TESMIN: variants seen among roughly 807,000 people sequenced by gnomAD.
The protein encoded by TESMIN is CXC domain containing 2.
TESMIN carries 34 observed loss-of-function variants against 47.4 expected under a neutral mutation model. The ratio of observed to expected loss-of-function variants is 0.72; its 90% confidence interval spans 0.55 to 0.96. TESMIN has a LOEUF of 0.96. Ranked by LOEUF, TESMIN falls within the 40% of genes least tolerant of loss-of-function variation. TESMIN has a pLI of 0.00. For synonymous variants in TESMIN, 278 were observed against 258.9 expected (o/e 1.07, Z -0.71); for missense variants, 610 against 637.2 (o/e 0.96, Z 0.46).
chr11:68,739,027 G>A (rs1327255073), intron 5 of TESMIN, among the ~76,000 whole-genome samples: 1 of 152,162 alleles, frequency 6.6e-6, no homozygotes, highest in African/African-American at 2.4e-5. Context: ...GTGCAAAGAT[G>A]CAGGGCTGGC....
intron 6 of TESMIN, among the ~76,000 whole-genome samples, chr11:68,724,405 C>T (rs557814206): frequency 6.6e-5 from 10 of 152,292 alleles, no homozygotes; most frequent in East Asian, 1.9e-4. Flanking sequence ...GAGAAGGGCA[C>T]GTAGCAGAGA....
chr11:68,731,693 T>C (rs993849588), intron 6 of TESMIN, among the ~76,000 whole-genome samples: 2 of 152,226 alleles, frequency 1.3e-5, no homozygotes, highest in African/African-American at 4.8e-5. Context: ...CCCCAGCTTA[T>C]GTTCCTTCAC....
At chr11:68,746,196 G>A (rs1946518392) in intron 3 of TESMIN, among the ~76,000 whole-genome samples, 1 of 139,092 alleles carries the variant, frequency 7.2e-6, no homozygotes, top group African/African-American at 2.6e-5. Flanking sequence ...CACACACACA[G>A]GAAAGGCTCA....
rs747286166 is a variant in TESMIN at position 68,708,899 on chromosome 11, T to C, written c.1335-399A>G. Among the ~76,000 whole-genome samples, 557 of 152,040 alleles carry C rather than the reference T, an allele frequency of 3.7e-3. 7 individuals are homozygous for C. Among genetic ancestry groups the C allele is most frequent in the Non-Finnish European group, 4.3e-4 (29 of 67,946 alleles). The stretch of plus-strand genomic sequence containing the variant: ...TCCTGAGTAGCTGGGATCACAGGCA[T>C]GCACCACCACACCTGGCTAATTTTT... On this transcript the variant is annotated intron_variant, in intron 9 of 9. Transcript: ENST00000255087.
chr11:68,743,023 C>T (rs1946476365), intron 4 of TESMIN, among the ~76,000 whole-genome samples: 1 of 152,002 alleles, frequency 6.6e-6, no homozygotes, highest in Admixed American at 6.6e-5. Context: ...GACTACAGGC[C>T]TGTGCCACCA....
At position 68,744,986 on chromosome 11, in the gene TESMIN, T is replaced by C. The variant is rs1946500449; in HGVS notation, c.751+5A>G. On this transcript the variant is annotated splice_donor_5th_base_variant and intron_variant, in intron 4 of 9. Transcript: ENST00000255087. ...CATAGTTTTTTTTATTAATTAACTTTGTACCTGACTGTAGATAATTATTTT... is the reference window on the plus strand; with the variant it reads ...CATAGTTTTTTTTATTAATTAACTTCGTACCTGACTGTAGATAATTATTTT... The C allele has an allele frequency of 3.2e-6, 5 of 1,548,182 alleles. No homozygotes were observed. The East Asian group carries it at 1.2e-4, about 36-fold the overall frequency.
rs1178393680 is a variant in TESMIN, at chr11:68,750,181, G to T, written c.471+9C>A. On this transcript the variant is annotated intron_variant, in intron 2 of 9. Transcript: ENST00000255087. ...GGGGAGCTGTGCCCATTCCCCAGGC[G>T]GTTCTTACTGGGATCATGCGGACGC... The T allele has an allele frequency of 6.8e-7, 1 of 1,464,622 alleles. No individual in the cohort carries two copies. The highest frequency in any genetic ancestry group is 8.9e-7 in the Non-Finnish European group (1 of 1,117,516). The allele number at this position is 1,464,622 out of a possible 1,614,324, so 90.7% of individuals were successfully genotyped here. A position where few individuals can be genotyped will look rare whatever the true frequency, so the allele number is the denominator to read the frequency against.
At chr11:68,732,954 G>A (rs756393209) in intron 6 of TESMIN, 3 of 152,360 alleles carry the variant, frequency 2.0e-5, no homozygotes, top group Admixed American at 6.5e-5. Context: ...GGTTAGGGTC[G>A]TTAGACATTG....
intron 6 of TESMIN, among the ~76,000 whole-genome samples, chr11:68,733,294 T>A (rs1946350415): frequency 1.3e-5 from 2 of 152,160 alleles, no homozygotes; most frequent in East Asian, 1.9e-4. Flanking sequence ...TAAAACTTTT[T>A]AAAAATGGGA....
At chr11:68,723,639 G>T (rs1212855086) in intron 6 of TESMIN, among the ~76,000 whole-genome samples, 1 of 151,960 alleles carries the variant, frequency 6.6e-6, no homozygotes, top group African/African-American at 2.4e-5. Context: ...GCTCTGAGAA[G>T]GCTGACAAAA....
intron 6 of TESMIN, among the ~76,000 whole-genome samples, chr11:68,727,821 T>C (rs777706197): frequency 6.6e-6 from 1 of 152,224 alleles, no homozygotes; most frequent in Non-Finnish European, 1.5e-5. Flanking sequence ...TTATGTCTGT[T>C]ATAGTGATCT....
chr11:68,747,499 G>T (rs1946537087), intron 2 of TESMIN, 133 bp from the exon 3 acceptor site: 5 of 775,330 alleles, frequency 6.4e-6, no homozygotes, highest in Non-Finnish European at 1.0e-5. Context: ...AGGCATGGTG[G>T]CACACTCCCA....
chr11:68,747,235 A>G lies in TESMIN; in HGVS notation c.603T>C (p.Cys201=). Residue 201 remains cysteine, a synonymous_variant, in exon 3 of 10, where the codon TGT becomes TGC. Transcript: ENST00000255087. ...SSQELEDASC[C]SLKKDSNPMV... ...TTGGGTTGGAATCTTTCTTAAGAGA[A>G]CAGCAGGAGGCATCCTCTAGTTCCT... 6.2e-7 allele frequency: 1 copy of G among 1,614,200 alleles called. No individual in the cohort carries two copies. The highest frequency in any genetic ancestry group is 8.5e-7 in the Non-Finnish European group (1 of 1,180,014).
chr11:68,742,212 A>T, intron 5 of TESMIN, 106 bp downstream of exon 5: 1 of 740,204 alleles, frequency 1.4e-6, no homozygotes, highest in Non-Finnish European at 2.1e-6. Context: ...TTTGACTTTT[A>T]AATGGAAAAT....
chr11:68,739,670 T>C (rs139134474), intron 5 of TESMIN, among the ~76,000 whole-genome samples: 4 of 152,332 alleles, frequency 2.6e-5, no homozygotes, highest in Non-Finnish European at 5.9e-5. Flanking sequence ...TGGAAGACAC[T>C]GAGAAAGCCT....
chr11:68,730,885 CATTT>C (rs751938269), intron 6 of TESMIN, among the ~76,000 whole-genome samples: 21 of 152,068 alleles, frequency 1.4e-4, no homozygotes, highest in East Asian at 5.8e-4. Flanking sequence ...ACATCAACAC[CATTT>C]TAATCATCCA....
chr11:68,738,828 G>A (rs1192132963), intron 5 of TESMIN, 40 bp from the exon 6 acceptor site: 1 of 1,562,922 alleles, frequency 6.4e-7, no homozygotes, highest in East Asian at 2.2e-5. Context: ...GAATTAGCAA[G>A]GATTTTTAAA....
intron 6 of TESMIN, among the ~76,000 whole-genome samples, chr11:68,718,906 AAG>A (rs1946172872): frequency 6.6e-6 from 1 of 152,226 alleles, no homozygotes; most frequent in Non-Finnish European, 1.5e-5. Flanking sequence ...AGGATAGACT[AAG>A]ACATTTTTAG....
chr11:68,728,867 T>A (rs1474892937), intron 6 of TESMIN, among the ~76,000 whole-genome samples: 1 of 152,214 alleles, frequency 6.6e-6, no homozygotes, highest in Non-Finnish European at 1.5e-5. Context: ...ATATTTTAAG[T>A]CCACCGTGAA....
Sources: gnomAD v4.1 joint callset for allele counts (sites outside exome capture counted in the v4.1 genomes callset) on GRCh38, gnomAD v4.1.1 for gene constraint, MANE v1.5 for transcripts, NCBI Gene and HGNC (gene_info 2026-07-23, HGNC 2026-07-21) for gene names.